Variants in RARB observed in about 807,000 individuals in gnomAD.
The protein encoded by RARB is retinoic acid receptor beta.
In RARB, 17 loss-of-function variants were observed where a neutral mutation model predicts 51.9. That is an observed-to-expected ratio of 0.33 (90% CI 0.22 to 0.49). The LOEUF (loss-of-function observed/expected upper bound fraction) is 0.49, where lower values mean the gene tolerates loss of function less well. RARB is among the 20% of genes least tolerant of loss of function. The pLI is 0.99. For missense variants in RARB, 369 were observed against 550.8 expected, an observed-to-expected ratio of 0.67 and a Z score of 3.30; for synonymous variants, 215 against 195.4, an observed-to-expected ratio of 1.10 and a Z score of -0.84.
intron 3 of RARB, among the ~76,000 whole-genome samples, chr3:25,070,567 A>T (rs1241290926): frequency 6.6e-6 from 1 of 152,220 alleles, no homozygotes; most frequent in African/African-American, 2.4e-5. Context: ...AGAAAATTAT[A>T]GTACTTACAA....
chr3:24,911,108 T>A (rs1458458592), intron 2 of RARB, among the ~76,000 whole-genome samples: 1 of 152,228 alleles, frequency 6.6e-6, no homozygotes, highest in Admixed American at 6.5e-5. Context: ...TTATTGCGTT[T>A]CATTATGGGC....
intron 2 of RARB, among the ~76,000 whole-genome samples, chr3:25,047,154 T>A (rs1457565667): frequency 6.6e-6 from 1 of 152,192 alleles, no homozygotes; most frequent in Admixed American, 6.5e-5. Context: ...ACAGATTACT[T>A]ACAGAAAAGA....
intron 2 of RARB, among the ~76,000 whole-genome samples, chr3:24,923,042 G>T (rs1417018813): frequency 6.6e-6 from 1 of 152,078 alleles, no homozygotes; most frequent in Non-Finnish European, 1.5e-5. Flanking sequence ...ATGATGACTT[G>T]CAGCAGGTTA....
intron 5 of RARB, among the ~76,000 whole-genome samples, chr3:25,415,819 T>C (rs1027149076): frequency 3.3e-5 from 5 of 152,220 alleles, no homozygotes; most frequent in Non-Finnish European, 7.3e-5. Context: ...CAAATACTTA[T>C]TGAGGGATTG....
At chr3:25,453,181 C>G (rs1328892248) in intron 1 of RARB, among the ~76,000 whole-genome samples, 1 of 149,870 alleles carries the variant, frequency 6.7e-6, no homozygotes, top group African/African-American at 2.5e-5. Context: ...TAAAAATGAT[C>G]AAGGGGTCTT....
chr3:25,041,521 G>C (rs1698114054), intron 2 of RARB, among the ~76,000 whole-genome samples: 1 of 150,012 alleles, frequency 6.7e-6, no homozygotes. Flanking sequence ...ACATAGTTGA[G>C]AGGGAGGACA....
At chr3:24,924,794 C>T (rs983506168) in intron 2 of RARB, among the ~76,000 whole-genome samples, 4 of 152,122 alleles carry the variant, frequency 2.6e-5, no homozygotes, top group African/African-American at 4.8e-5. Context: ...AGCTCTACCA[C>T]GTGTGGACTC....
At chr3:25,237,464 T>C (rs1178853579) in intron 5 of RARB, among the ~76,000 whole-genome samples, 1 of 152,180 alleles carries the variant, frequency 6.6e-6, no homozygotes, top group Non-Finnish European at 1.5e-5. Flanking sequence ...AAAATGTATC[T>C]TCTAAACAGT....
chr3:25,101,000 T>C (rs1399363396), intron 3 of RARB, among the ~76,000 whole-genome samples: 2 of 152,232 alleles, frequency 1.3e-5, no homozygotes, highest in African/African-American at 4.8e-5. Context: ...AAAATAGAGT[T>C]AATTTACCTT....
chr3:25,339,409 C>A (rs945247070), intron 5 of RARB, among the ~76,000 whole-genome samples: 1 of 152,174 alleles, frequency 6.6e-6, no homozygotes, highest in Non-Finnish European at 1.5e-5. Flanking sequence ...ACCAATTCAA[C>A]GCTTTCTGTA....
intron 2 of RARB, among the ~76,000 whole-genome samples, chr3:24,988,163 C>A (rs1266566423): frequency 6.6e-6 from 1 of 152,106 alleles, no homozygotes; most frequent in Non-Finnish European, 1.5e-5. Flanking sequence ...TGATGTCTCC[C>A]ACAGTTACCA....
At chr3:25,194,200 T>C (rs1701174689) in intron 5 of RARB, among the ~76,000 whole-genome samples, 1 of 151,272 alleles carries the variant, frequency 6.6e-6, no homozygotes, top group Non-Finnish European at 1.5e-5. Context: ...CCTAACACCA[T>C]TCAATACATA....
chr3:25,511,744 A>T (rs947643397), intron 3 of RARB, among the ~76,000 whole-genome samples: 2 of 152,194 alleles, frequency 1.3e-5, no homozygotes, highest in Non-Finnish European at 2.9e-5. Context: ...TCCCACTGAC[A>T]TGCCCCTGCC....
intron 3 of RARB, among the ~76,000 whole-genome samples, chr3:25,077,359 C>T (rs1395001043): frequency 2.0e-5 from 3 of 152,158 alleles, no homozygotes; most frequent in Admixed American, 1.3e-4. Flanking sequence ...TGTTCTTCCT[C>T]CGTTCTCCTC....
chr3:24,929,279 A>G (rs1460219059), intron 2 of RARB, among the ~76,000 whole-genome samples: 1 of 152,084 alleles, frequency 6.6e-6, no homozygotes, highest in Non-Finnish European at 1.5e-5. Context: ...ATTTTAATAA[A>G]TGATTTAGAA....
intron 2 of RARB, among the ~76,000 whole-genome samples, chr3:25,006,679 A>G (rs1697278537): frequency 1.3e-5 from 2 of 152,082 alleles, no homozygotes; most frequent in Admixed American, 1.3e-4. Context: ...TCTATTACAA[A>G]CGTTGTTATA....
At chr3:25,043,880 T>C (rs1698161152) in intron 2 of RARB, among the ~76,000 whole-genome samples, 1 of 152,210 alleles carries the variant, frequency 6.6e-6, no homozygotes, top group Admixed American at 6.5e-5. Flanking sequence ...TAGCACTTTA[T>C]TTCGTGGCTC....
intron 2 of RARB, among the ~76,000 whole-genome samples, chr3:24,887,818 G>A (rs896401437): frequency 3.3e-5 from 5 of 152,192 alleles, no homozygotes; most frequent in Non-Finnish European, 5.9e-5. Flanking sequence ...GTCAGGTTTT[G>A]GGTTTTGCCA....
chr3:25,376,076 G>T (rs531606665), intron 5 of RARB, among the ~76,000 whole-genome samples: 6 of 152,314 alleles, frequency 3.9e-5, no homozygotes, highest in Admixed American at 3.3e-4. Flanking sequence ...GTAAATGTTA[G>T]CTCTTACAGT....
Sources: gnomAD v4.1 joint callset for allele counts (sites outside exome capture counted in the v4.1 genomes callset) on GRCh38, gnomAD v4.1.1 for gene constraint, MANE v1.5 for transcripts, NCBI Gene and HGNC (gene_info 2026-07-23, HGNC 2026-07-21) for gene names.